Variants in MORC1 observed in about 807,000 individuals in gnomAD.
MORC1 encodes the protein MORC family CW-type zinc finger 1.
A neutral mutation model predicts 134.9 loss-of-function variants in MORC1; 59 were observed. The observed-to-expected ratio is 0.44, with a 90% confidence interval of 0.35 to 0.54. The LOEUF (loss-of-function observed/expected upper bound fraction) is 0.54, where lower values mean the gene tolerates loss of function less well. Ranked by LOEUF, MORC1 falls within the 20% of genes least tolerant of loss-of-function variation. The probability of loss-of-function intolerance (pLI) is 0.00; values close to 1 mark genes in which losing one functional copy is unlikely to be tolerated. For missense variants in MORC1, 947 were observed against 1,134.5 expected (o/e 0.83, Z 2.37); for synonymous variants, 395 against 391.7 (o/e 1.01, Z -0.10).
At position 109,109,310 on chromosome 3, in the gene MORC1, C is replaced by T. The variant is rs141030524; in HGVS notation, c.154+1439G>A. Among the ~76,000 whole-genome samples, 284 of 152,140 alleles carry T rather than the reference C, an allele frequency of 1.9e-3. 3 individuals carry two copies. Among genetic ancestry groups the T allele is most frequent in the African/African-American group, 6.1e-3 (252 of 41,496 alleles). ...TCTCTCCCCATTAGGATATATGTTCCAGGGGAACAAAGACCTCAACATTTT... is the reference window on the plus strand; with the variant it reads ...TCTCTCCCCATTAGGATATATGTTCTAGGGGAACAAAGACCTCAACATTTT... On this transcript the variant is annotated intron_variant, in intron 3 of 27. Transcript: ENST00000232603.
chr3:108,997,976 TAC>T (rs1948283680), intron 21 of MORC1, among the ~76,000 whole-genome samples: 1 of 152,110 alleles, frequency 6.6e-6, no homozygotes, highest in Non-Finnish European at 1.5e-5. Context: ...TGAAAAAAAG[TAC>T]AGTTATAGGA....
chr3:109,089,196 T>C (rs927965759), intron 8 of MORC1, among the ~76,000 whole-genome samples: 1 of 152,106 alleles, frequency 6.6e-6, no homozygotes. Context: ...CCTACATGTG[T>C]ACCCCTGAAC....
intron 23 of MORC1, among the ~76,000 whole-genome samples, chr3:108,982,603 A>G: frequency 6.6e-6 from 1 of 151,090 alleles, no homozygotes; most frequent in African/African-American, 2.4e-5. Flanking sequence ...AGGGGGAGGG[A>G]TAGCATTAGG....
At chr3:109,085,429 C>A (rs1950598557) in intron 8 of MORC1, among the ~76,000 whole-genome samples, 1 of 152,054 alleles carries the variant, frequency 6.6e-6, no homozygotes, top group South Asian at 2.1e-4. Flanking sequence ...ACCAAATAAT[C>A]TTATTTTAAA....
chr3:109,067,452 A>T (rs929549861), intron 9 of MORC1, among the ~76,000 whole-genome samples: 3 of 152,194 alleles, frequency 2.0e-5, no homozygotes, highest in Non-Finnish European at 2.9e-5. Flanking sequence ...CTTCCATTGC[A>T]ATATACTCGA....
chr3:109,053,439 C>G (rs1949877222), intron 14 of MORC1, among the ~76,000 whole-genome samples: 1 of 151,992 alleles, frequency 6.6e-6, no homozygotes, highest in African/African-American at 2.4e-5. Context: ...GAATACTACA[C>G]AGCCATAAAA....
chr3:109,099,535 T>A (rs559070947), intron 5 of MORC1, 69 bp from the exon 6 acceptor site: 14 of 1,164,830 alleles, frequency 1.2e-5, no homozygotes, highest in Non-Finnish European at 1.6e-5. Context: ...AGGCAGACTG[T>A]TATCACCGTG....
At position 109,054,776 on chromosome 3, in the gene MORC1, T is replaced by A. The variant is rs755060935; in HGVS notation, c.1282A>T (p.Lys428Ter). The A allele has an allele frequency of 5.0e-6, 8 of 1,601,388 alleles. No homozygotes were observed. Among genetic ancestry groups the A allele is most frequent in the Admixed American group, 3.6e-5 (2 of 55,148 alleles). ...TGGACCAAGTACTGTCCCATGACTT[T>A]TAGTAGATGATTATACTCTTGGACA... ...LNVQEYNHLL[K>*]VMGQYLVQYC... Residue 428 changes from lysine to a stop codon, truncating the protein, a stop_gained, in exon 14 of 28, where the codon AAA (lysine) becomes TAA (stop). Coordinates refer to ENST00000232603, the MANE Select transcript of MORC1 (RefSeq NM_014429.4). LOFTEE classifies it high-confidence loss of function.
At chr3:109,111,050 TAAA>T (rs11344763) in intron 2 of MORC1, among the ~76,000 whole-genome samples, 1 of 113,858 alleles carries the variant, frequency 8.8e-6, no homozygotes. Context: ...GGATATAATT[TAAA>T]AAAAAAAAAA....
At chr3:109,065,424 G>A (rs958266360) in intron 9 of MORC1, among the ~76,000 whole-genome samples, 3 of 152,040 alleles carry the variant, frequency 2.0e-5, no homozygotes, top group Non-Finnish European at 2.9e-5. Context: ...AACTCACTGT[G>A]CTACCCACCA....
intron 3 of MORC1, among the ~76,000 whole-genome samples, chr3:109,107,011 T>C (rs1951055167): frequency 6.6e-6 from 1 of 152,162 alleles, no homozygotes; most frequent in Non-Finnish European, 1.5e-5. Context: ...CTGCCCATAC[T>C]GCCACCTTCC....
intron 2 of MORC1, 139 bp downstream of exon 2, chr3:109,114,245 C>A (rs1951226342): frequency 4.6e-6 from 3 of 657,362 alleles, no homozygotes; most frequent in Non-Finnish European, 7.3e-6. Context: ...TCCTAGAACA[C>A]CTTGATTTTA....
intron 17 of MORC1, among the ~76,000 whole-genome samples, chr3:109,018,707 G>A (rs1243133204): frequency 6.6e-6 from 1 of 152,122 alleles, no homozygotes; most frequent in Non-Finnish European, 1.5e-5. Context: ...GATTCCTTGT[G>A]TTATATATAA....
chr3:109,023,001 G>T (rs1484682448), intron 17 of MORC1, among the ~76,000 whole-genome samples: 1 of 152,180 alleles, frequency 6.6e-6, no homozygotes, highest in Non-Finnish European at 1.5e-5. Flanking sequence ...AAGGGAACTG[G>T]AAGGAAGAAG....
At chr3:109,072,694 C>T (rs915494612) in intron 8 of MORC1, among the ~76,000 whole-genome samples, 1 of 152,134 alleles carries the variant, frequency 6.6e-6, no homozygotes, top group African/African-American at 2.4e-5. Flanking sequence ...TAAAAACATG[C>T]TAAATCGTCA....
intron 13 of MORC1, among the ~76,000 whole-genome samples, chr3:109,055,487 G>C (rs1399974002): frequency 6.6e-6 from 1 of 152,116 alleles, no homozygotes; most frequent in South Asian, 2.1e-4. Context: ...TCACAATTTG[G>C]GGTCCCTGCC....
chr3:109,029,769 A>G (rs1949195100), intron 16 of MORC1, among the ~76,000 whole-genome samples: 1 of 152,186 alleles, frequency 6.6e-6, no homozygotes, highest in Non-Finnish European at 1.5e-5. Flanking sequence ...TGTAAGATGT[A>G]TTTTGTCCAC....
At chr3:109,099,586 A>C in intron 5 of MORC1, 120 bp from the exon 6 acceptor site, 1 of 703,336 alleles carries the variant, frequency 1.4e-6, no homozygotes, top group Non-Finnish European at 2.1e-6. Context: ...TGTTCTGCTG[A>C]CCCGTCATCA....
chr3:108,994,705 T>C (rs189807672), intron 21 of MORC1, among the ~76,000 whole-genome samples: 1 of 152,098 alleles, frequency 6.6e-6, no homozygotes, highest in African/African-American at 2.4e-5. Flanking sequence ...AGTACTTTTA[T>C]CGCTCTGTCT....
Sources: gnomAD v4.1 joint callset for allele counts (sites outside exome capture counted in the v4.1 genomes callset) on GRCh38, gnomAD v4.1.1 for gene constraint, MANE v1.5 for transcripts, NCBI Gene and HGNC (gene_info 2026-07-23, HGNC 2026-07-21) for gene names.